The following RFX4 variants were observed in gnomAD, a reference collection of about 807,000 sequenced individuals.
RFX4 encodes regulatory factor X4.
In RFX4, 10 loss-of-function variants were observed where a neutral mutation model predicts 95.0. The ratio of observed to expected loss-of-function variants is 0.11; its 90% CI spans 0.06 to 0.18. The LOEUF (loss-of-function observed/expected upper bound fraction) is 0.18. RFX4 is among the 10% of genes least tolerant of loss of function. RFX4 has a pLI of 1.00. For synonymous variants in RFX4, 321 were observed against 340.7 expected, an observed-to-expected ratio of 0.94 and a Z score of 0.64; for missense variants, 640 against 922.0, an observed-to-expected ratio of 0.69 and a Z score of 3.96.
intron 2 of RFX4, among the ~76,000 whole-genome samples, chr12:106,629,789 T>A (rs142989596): frequency 2.3e-4 from 35 of 152,274 alleles, no homozygotes; most frequent in Non-Finnish European, 4.1e-4. Context: ...GCTAATTTTT[T>A]AAATTTTTTG....
At position 106,715,402 on chromosome 12, in the gene RFX4, A is replaced by T. The variant is rs759834173; in HGVS notation, c.996A>T (p.Ala332=). The T allele has an allele frequency of 6.2e-7, 1 of 1,614,074 alleles. No homozygotes were observed. Among genetic ancestry groups the T allele is most frequent in the South Asian group, 1.1e-5 (1 of 91,048 alleles). Residue 332 remains alanine (A), a splice_region_variant and synonymous_variant, in exon 11 of 18, where the codon GCA becomes GCT. Coordinates refer to ENST00000392842, the MANE Select transcript of RFX4 (RefSeq NM_213594.3). The part of the protein sequence containing the change: ...RQTSLNHLCQ[A]SRTVIHSADI... ...GAGTTGATTGGATTGGATTATAGGC[A>T]TCTCGAACAGTGATCCACAGTGCAG...
rs1275926037 is a variant in RFX4 at position 106,749,006 on chromosome 12, A to T, written c.1796+1407A>T. 2.0e-5 allele frequency among the ~76,000 whole-genome samples: 3 copies of T among 151,218 alleles called. No homozygotes were observed. The South Asian group carries it at 6.3e-4, about 32-fold the overall frequency. On this transcript the variant is annotated intron_variant, in intron 16 of 17. Transcript: ENST00000392842. Reference sequence around the variant, plus strand: ...AGGCTGCGGCAGGAGAATTGCTTGAACCCAGGAGGTGGAGGCTGCAGTGAG... The same window carrying T: ...AGGCTGCGGCAGGAGAATTGCTTGATCCCAGGAGGTGGAGGCTGCAGTGAG...
chr12:106,668,077 C>G (rs1037526622), intron 4 of RFX4, among the ~76,000 whole-genome samples: 1 of 152,182 alleles, frequency 6.6e-6, no homozygotes, highest in African/African-American at 2.4e-5. Context: ...AGTGGTCTTA[C>G]TTTTCTCACA....
intron 2 of RFX4, among the ~76,000 whole-genome samples, chr12:106,613,345 T>C (rs1214113460): frequency 2.0e-5 from 3 of 150,222 alleles, no homozygotes; most frequent in Non-Finnish European, 4.4e-5. Context: ...TGTTAGTATT[T>C]TGCTGAGGAT....
intron 8 of RFX4, among the ~76,000 whole-genome samples, chr12:106,696,908 C>T (rs1020080495): frequency 6.6e-6 from 1 of 152,180 alleles, no homozygotes; most frequent in Non-Finnish European, 1.5e-5. Context: ...CTTCCATGCC[C>T]CTCCAGATGT....
chr12:106,712,043 A>G (rs2137501771), intron 10 of RFX4, among the ~76,000 whole-genome samples: 1 of 152,338 alleles, frequency 6.6e-6, no homozygotes, highest in African/African-American at 2.4e-5. Flanking sequence ...ATGGCATATA[A>G]CTACATTTCT....
chr12:106,645,311 C>T (rs1040690755), intron 3 of RFX4, among the ~76,000 whole-genome samples: 5 of 151,950 alleles, frequency 3.3e-5, no homozygotes, highest in African/African-American at 1.2e-4. Flanking sequence ...CAGCCTGTTC[C>T]GCAGTCCCGG....
intron 4 of RFX4, among the ~76,000 whole-genome samples, chr12:106,659,254 G>A (rs2041023085): frequency 6.6e-6 from 1 of 151,944 alleles, no homozygotes; most frequent in South Asian, 2.1e-4. Context: ...GTGGCTTGGG[G>A]ACCCACAGTG....
At chr12:106,690,565 T>C (rs1307538562) in intron 7 of RFX4, among the ~76,000 whole-genome samples, 3 of 148,700 alleles carry the variant, frequency 2.0e-5, no homozygotes. Flanking sequence ...TTGTTCTTGG[T>C]TGGAAGGCTG....
intron 11 of RFX4, among the ~76,000 whole-genome samples, chr12:106,718,141 T>C (rs544140207): frequency 6.6e-6 from 1 of 152,276 alleles, no homozygotes; most frequent in East Asian, 1.9e-4. Flanking sequence ...TTGGCTGGGA[T>C]CCCTGGGGCT....
rs900056156 is a variant in RFX4 at position 106,689,183 on chromosome 12, T to TC, written c.592-97dup. ...CTGAGCCGGTGTTAGGTGAATTGCA[T>TC]CCCCCCCACAGGGAAGAAATGACTT... On this transcript the variant is annotated intron_variant, in intron 6 of 17. Coordinates refer to ENST00000392842, the MANE Select transcript of RFX4 (RefSeq NM_213594.3). 2.2e-4 allele frequency: 206 copies of TC among 947,628 alleles called. 1 individual carries two copies. Among genetic ancestry groups the TC allele is most frequent in the South Asian group, 7.3e-4 (55 of 75,804 alleles). 58.7% of individuals were successfully genotyped at this position (947,628 alleles called of 1,614,324 possible). A position where few individuals can be genotyped will look rare whatever the true frequency, so the allele number is the denominator to read the frequency against.
intron 15 of RFX4, among the ~76,000 whole-genome samples, chr12:106,739,410 T>C (rs972060935): frequency 6.6e-6 from 1 of 152,190 alleles, no homozygotes; most frequent in African/African-American, 2.4e-5. Context: ...CAGTATTATG[T>C]GTGCTCGGTG....
At chr12:106,706,403 G>T (rs1453738018) in intron 8 of RFX4, among the ~76,000 whole-genome samples, 1 of 152,218 alleles carries the variant, frequency 6.6e-6, no homozygotes, top group African/African-American at 2.4e-5. Flanking sequence ...GATGGACTCA[G>T]GAAGCTACTG....
At chr12:106,601,378 G>T in intron 1 of RFX4, 1 of 1,555,644 alleles carries the variant, frequency 6.4e-7, no homozygotes, top group South Asian at 1.2e-5. Flanking sequence ...CAGGAGACTG[G>T]GGTGGGCCTG....
chr12:106,604,388 C>A (rs939341158), intron 1 of RFX4, among the ~76,000 whole-genome samples: 1 of 152,062 alleles, frequency 6.6e-6, no homozygotes, highest in Admixed American at 6.5e-5. Context: ...TCCCAAAGTG[C>A]TGGGATTACA....
intron 11 of RFX4, among the ~76,000 whole-genome samples, chr12:106,719,536 G>T (rs750476970): frequency 4.9e-4 from 75 of 152,174 alleles, no homozygotes; most frequent in Non-Finnish European, 7.9e-4. Context: ...TATAATAAAG[G>T]TAGAAAACCG....
chr12:106,596,963 A>G (rs2137175229), intron 1 of RFX4, among the ~76,000 whole-genome samples: 1 of 152,352 alleles, frequency 6.6e-6, no homozygotes, highest in East Asian at 1.9e-4. Flanking sequence ...GGCCCCTGCA[A>G]ACTTGTTTGT....
chr12:106,622,322 C>T (rs1047399511), intron 2 of RFX4, among the ~76,000 whole-genome samples: 25 of 152,088 alleles, frequency 1.6e-4, no homozygotes, highest in Non-Finnish European at 2.9e-4. Flanking sequence ...TGCCTCTAAT[C>T]CTACTATGTA....
At chr12:106,592,065 C>T (rs1054267996) in intron 1 of RFX4, among the ~76,000 whole-genome samples, 2 of 152,106 alleles carry the variant, frequency 1.3e-5, no homozygotes, top group East Asian at 1.9e-4. Context: ...TAAGATTGCA[C>T]GTGTTAAGTA....
Sources: allele counts gnomAD v4.1 joint callset (sites outside exome capture counted in the v4.1 genomes callset), GRCh38; gene constraint gnomAD v4.1.1; transcripts MANE v1.5; gene names NCBI Gene and HGNC (gene_info 2026-07-23, HGNC 2026-07-21).